Variants in KIF14 observed in about 807,000 individuals in gnomAD.
KIF14 encodes the protein kinesin family member 14.
A neutral mutation model predicts 176.2 loss-of-function variants in KIF14; 98 were observed. The observed-to-expected ratio is 0.56, with a 90% confidence interval of 0.47 to 0.66. KIF14 has a LOEUF of 0.66. Among genes scored for constraint, KIF14 ranks in the 30% least tolerant of loss-of-function variants. KIF14 has a pLI of 0.00. For missense variants in KIF14, 1,751 were observed against 1,920.4 expected, an observed-to-expected ratio of 0.91 and a Z score of 1.65; for synonymous variants, 566 against 632.2, an observed-to-expected ratio of 0.90 and a Z score of 1.57.
intron 21 of KIF14, among the ~76,000 whole-genome samples, chr1:200,578,030 C>T (rs572019635): frequency 1.5e-3 from 231 of 151,328 alleles, no homozygotes; most frequent in African/African-American, 5.4e-3. Context: ...ATGAAGTCAA[C>T]TTTCATAATT....
intron 7 of KIF14, 27 bp downstream of exon 7, chr1:200,605,837 G>T: frequency 7.2e-7 from 1 of 1,391,642 alleles, no homozygotes; most frequent in Non-Finnish European, 9.8e-7. Flanking sequence ...TTTCTATCTA[G>T]TGAAAAGAAA....
intron 18 of KIF14, among the ~76,000 whole-genome samples, chr1:200,586,741 A>T (rs1301898880): frequency 6.7e-6 from 1 of 150,102 alleles, no homozygotes; most frequent in African/African-American, 2.4e-5. Context: ...CTAAGTGTCC[A>T]TCAACCAATG....
At chr1:200,598,462 A>AT in intron 13 of KIF14, 41 bp from the exon 14 acceptor site, 1 of 1,510,326 alleles carries the variant, frequency 6.6e-7, no homozygotes. Context: ...TAATCACAGT[A>AT]TGAAATTGTT....
intron 16 of KIF14, among the ~76,000 whole-genome samples, chr1:200,590,741 T>G (rs942230977): frequency 1.3e-5 from 2 of 152,112 alleles, no homozygotes; most frequent in Admixed American, 1.3e-4. Context: ...GTGAAGGCAC[T>G]AGGGTGGGCA....
At position 200,565,127 on chromosome 1, in the gene KIF14, T is replaced by A. The variant is rs77157287; in HGVS notation, c.4013A>T (p.Glu1338Val). The change falls in exon 25 of 30, where the codon GAG becomes GTG. Residue 1338 changes from glutamate (E) to valine (V), a missense_variant. By Grantham distance (121) the Glu-to-Val change is moderately radical (BLOSUM62 -2). Transcript: ENST00000367350. The part of the protein sequence containing the change: ...LLPCTNIARL[E>V]DELRQEVKKL... ...TTTAACTTCTTGTCTCAACTCATCC[T>A]CAAGTCTTGCTATGTTGGTACAAGG... 5.0e-3 allele frequency: 8,044 copies of A among 1,613,786 alleles called. 30 individuals are homozygous for A. Among genetic ancestry groups the A allele is most frequent in the Middle Eastern group, 6.3e-3 (38 of 6,058 alleles).
At chr1:200,604,516 T>C (rs1659778894) in intron 8 of KIF14, among the ~76,000 whole-genome samples, 1 of 152,182 alleles carries the variant, frequency 6.6e-6, no homozygotes. Flanking sequence ...CACTCAGTTA[T>C]ATTAAGGAAA....
intron 23 of KIF14, 121 bp from the exon 24 acceptor site, chr1:200,565,790 C>T (rs1464436708): frequency 4.6e-6 from 3 of 655,826 alleles, no homozygotes; most frequent in Non-Finnish European, 7.7e-6. Context: ...AACAACAAAG[C>T]ATTTTTGTGT....
At chr1:200,569,036 C>T (rs916336640) in intron 23 of KIF14, among the ~76,000 whole-genome samples, 1 of 151,776 alleles carries the variant, frequency 6.6e-6, no homozygotes, top group Non-Finnish European at 1.5e-5. Context: ...AGCGATTCTC[C>T]CGCCTCAGCC....
In KIF14 at chr1:200,565,572, A is replaced by C. The variant is rs747056543; in HGVS notation, c.3759T>G (p.Phe1253Leu). 2.5e-6 allele frequency: 4 copies of C among 1,610,966 alleles called. No homozygotes were observed. In the South Asian group the frequency reaches 4.4e-5, roughly 18 times the overall value. The change falls in exon 24 of 30, where the codon TTT (phenylalanine) becomes TTG (leucine). Residue 1253 changes from phenylalanine (F) to leucine (L), a missense_variant. Physicochemically the swap from Phe to Leu is conservative, Grantham distance 22. Coordinates refer to ENST00000367350, the MANE Select transcript of KIF14 (RefSeq NM_014875.3). ...KELIGSSLDF[F>L]GQSYDEERTI... ...TTCTTTCTTCATCATAACTCTGTCC[A>C]AAAAAATCTAACGAAGAACCAATCA...
At chr1:200,610,023 T>A (rs549443628) in intron 4 of KIF14, among the ~76,000 whole-genome samples, 144 of 152,332 alleles carry the variant, frequency 9.5e-4, no homozygotes, top group Non-Finnish European at 4.7e-4. Flanking sequence ...AAACTAGTAG[T>A]TGCCAGGGAT....
At chr1:200,602,256 C>T (rs1159325483) in intron 10 of KIF14, among the ~76,000 whole-genome samples, 188 bp from the exon 11 acceptor site, 2 of 152,126 alleles carry the variant, frequency 1.3e-5, no homozygotes, top group South Asian at 2.1e-4. Flanking sequence ...CTCTCTTACA[C>T]TTTTTATATT....
At chr1:200,583,929 C>T (rs1412616065) in intron 19 of KIF14, among the ~76,000 whole-genome samples, 1 of 145,258 alleles carries the variant, frequency 6.9e-6, no homozygotes, top group Non-Finnish European at 1.5e-5. Flanking sequence ...GCAACAACAA[C>T]AAAAAGACTT....
At chr1:200,616,344 G>A (rs12409904) in intron 2 of KIF14, among the ~76,000 whole-genome samples, 4 of 152,178 alleles carry the variant, frequency 2.6e-5, no homozygotes, top group Admixed American at 2.6e-4. Context: ...CTTGTCTGAT[G>A]AGTTTGGAAT....
chr1:200,568,930 T>C (rs1367940831), intron 23 of KIF14, among the ~76,000 whole-genome samples: 6 of 149,954 alleles, frequency 4.0e-5, no homozygotes, highest in Non-Finnish European at 7.4e-5. Context: ...AATTTTTTTT[T>C]TTTTTTTTTT....
intron 23 of KIF14, among the ~76,000 whole-genome samples, chr1:200,566,767 G>T (rs1571470169): frequency 6.6e-6 from 1 of 151,934 alleles, no homozygotes; most frequent in Admixed American, 6.5e-5. Flanking sequence ...TATGTCTGGT[G>T]GGATTAATTT....
Position 200,617,908 on chromosome 1 carries a change from G to C in KIF14, c.816C>G (p.Ser272Arg), listed in dbSNP as rs750779341. 3.1e-6 allele frequency: 5 copies of C among 1,613,928 alleles called. No homozygotes were observed. Among genetic ancestry groups the C allele is most frequent in the Non-Finnish European group, 4.2e-6 (5 of 1,179,978 alleles). The change falls in exon 2 of 30, where the codon AGC (serine) becomes AGG (arginine). Residue 272 changes from serine to arginine, a missense_variant. Ser to Arg is a moderately radical substitution (Grantham distance 110). Transcript: ENST00000367350. ...EIAKTSNKFG[S>R]LEKRTPTKCT... ...ATTTTGTAGGTGTTCTTTTTTCTAA[G>C]CTCCCAAATTTATTTGAAGTTTTTG...
intron 4 of KIF14, among the ~76,000 whole-genome samples, chr1:200,610,355 A>AAAATACG (rs1660093134): frequency 1.3e-5 from 2 of 151,782 alleles, no homozygotes; most frequent in Non-Finnish European, 2.9e-5. Context: ...TACAAAATAC[A>AAAATACG]AAAAATTAGC....
Position 200,618,596 on chromosome 1 carries a change from T to C in KIF14, c.128A>G (p.Asp43Gly). ...SSRLKLHLKS[D>G]MSECENDDPL... ...ATCATCATTTTCACATTCTGACATA[T>C]CCGACTTCAAATGCAGCTTAAGTCG... Residue 43 changes from aspartate (D) to glycine (G), a missense_variant, in exon 2 of 30, where the codon GAT (aspartate) becomes GGT (glycine). Transcript: ENST00000367350. 3 of 1,614,146 alleles carry C rather than the reference T, an allele frequency of 1.9e-6. No homozygotes were observed. Among genetic ancestry groups the C allele is most frequent in the Non-Finnish European group, 2.5e-6 (3 of 1,180,022 alleles).
intron 23 of KIF14, 42 bp from the exon 24 acceptor site, chr1:200,565,711 A>G: frequency 2.3e-6 from 3 of 1,296,910 alleles, no homozygotes; most frequent in Non-Finnish European, 3.2e-6. Flanking sequence ...TGTTTTCAGG[A>G]ATAATACTTT....
Sources: allele counts gnomAD v4.1 joint callset (sites outside exome capture counted in the v4.1 genomes callset), GRCh38; gene constraint gnomAD v4.1.1; transcripts MANE v1.5; gene names NCBI Gene and HGNC (gene_info 2026-07-23, HGNC 2026-07-21).